NOL4: variants seen among roughly 807,000 people sequenced by gnomAD.
NOL4 encodes cancer/testis antigen 125.
In NOL4, 17 loss-of-function variants were observed where a neutral mutation model predicts 75.9. The observed-to-expected ratio is 0.22, with a 90% confidence interval of 0.15 to 0.34. The LOEUF (loss-of-function observed/expected upper bound fraction) is 0.34, where lower values mean the gene tolerates loss of function less well. NOL4 is among the 10% of genes least tolerant of loss of function. NOL4 has a pLI of 1.00. For missense variants in NOL4, 614 were observed against 793.5 expected, an observed-to-expected ratio of 0.77 and a Z score of 2.72; for synonymous variants, 292 against 289.9, an observed-to-expected ratio of 1.01 and a Z score of -0.07.
intron 5 of NOL4, among the ~76,000 whole-genome samples, chr18:34,083,087 G>GCTCTCT (rs5823936): frequency 6.6e-6 from 1 of 151,434 alleles, no homozygotes; most frequent in South Asian, 2.1e-4. Context: ...GCTAAATTTT[G>GCTCTCT]CTCTCTCTCT....
At position 33,931,575 on chromosome 18, in the gene NOL4, TG is replaced by T. The variant is rs200654955; in HGVS notation, c.1542+11489del. Among the ~76,000 whole-genome samples the T allele has an allele frequency of 9.2e-3, 1,386 of 151,078 alleles. 29 individuals are homozygous for T. The highest frequency in any genetic ancestry group is 0.03 in the African/African-American group (1,253 of 41,164). On this transcript the variant is annotated intron_variant, in intron 9 of 10. Coordinates refer to ENST00000261592, the MANE Select transcript of NOL4 (RefSeq NM_003787.5). Reference sequence around the variant, plus strand: ...GCAAGATCCTGTCTCTAAATTTTTTTGTTTTTTAATTAGCCAGGTGTGATGA... The same window carrying T: ...GCAAGATCCTGTCTCTAAATTTTTTTTTTTTTAATTAGCCAGGTGTGATGA...
At chr18:33,956,556 G>C (rs947257773) in intron 8 of NOL4, among the ~76,000 whole-genome samples, 18 of 152,100 alleles carry the variant, frequency 1.2e-4, no homozygotes, top group African/African-American at 4.3e-4. Flanking sequence ...TTTCGAAACT[G>C]CTCACATACA....
At chr18:34,136,476 T>G (rs1040137415) in intron 1 of NOL4, among the ~76,000 whole-genome samples, 2 of 152,192 alleles carry the variant, frequency 1.3e-5, no homozygotes, top group Non-Finnish European at 2.9e-5. Flanking sequence ...ATTAAAAAAC[T>G]GTTAGAACTA....
intron 1 of NOL4, among the ~76,000 whole-genome samples, chr18:34,192,725 C>A (rs982109066): frequency 2.0e-5 from 3 of 152,190 alleles, no homozygotes; most frequent in African/African-American, 7.2e-5. Context: ...CCAAAGCTCA[C>A]ATGTTAGAAA....
At chr18:34,189,401 C>T (rs540666663) in intron 1 of NOL4, among the ~76,000 whole-genome samples, 9 of 152,230 alleles carry the variant, frequency 5.9e-5, no homozygotes, top group African/African-American at 1.4e-4. Flanking sequence ...TGAACACTGC[C>T]GTGCTGGGGA....
At chr18:33,968,825 T>C (rs1044942379) in intron 6 of NOL4, among the ~76,000 whole-genome samples, 1 of 152,094 alleles carries the variant, frequency 6.6e-6, no homozygotes, top group South Asian at 2.1e-4. Context: ...AATGCAAAAA[T>C]AAATGACATT....
At chr18:33,928,963 T>TTGTAACC in intron 9 of NOL4, among the ~76,000 whole-genome samples, 1 of 152,202 alleles carries the variant, frequency 6.6e-6, no homozygotes, top group East Asian at 1.9e-4. Flanking sequence ...CTTTTTGGCA[T>TTGTAACC]ATGCTCAGAT....
At chr18:33,886,861 A>C (rs963201645) in intron 9 of NOL4, among the ~76,000 whole-genome samples, 7 of 143,530 alleles carry the variant, frequency 4.9e-5, no homozygotes, top group Admixed American at 4.3e-4. Context: ...ATCTACATAT[A>C]TCTATATACA....
At chr18:34,173,621 C>T (rs2033262551) in intron 1 of NOL4, among the ~76,000 whole-genome samples, 1 of 152,128 alleles carries the variant, frequency 6.6e-6, no homozygotes, top group Admixed American at 6.6e-5. Context: ...CAATTTCCCT[C>T]TGTATCCACC....
At chr18:34,222,397 C>T (rs1254705555) in intron 1 of NOL4, 4 of 1,139,760 alleles carry the variant, frequency 3.5e-6, no homozygotes, top group East Asian at 5.7e-5. Context: ...TCAACAGTCG[C>T]GGCAACGATC....
chr18:33,922,979 T>C (rs961353081), intron 9 of NOL4, among the ~76,000 whole-genome samples: 2 of 152,182 alleles, frequency 1.3e-5, no homozygotes, highest in Non-Finnish European at 2.9e-5. Flanking sequence ...AGAGTCAACA[T>C]ATTCATTTTC....
At chr18:34,022,044 C>T (rs901134511) in intron 5 of NOL4, among the ~76,000 whole-genome samples, 6 of 151,400 alleles carry the variant, frequency 4.0e-5, no homozygotes, top group Admixed American at 6.6e-5. Context: ...GCAGAGGTTG[C>T]AGTGAGCTGA....
intron 1 of NOL4, among the ~76,000 whole-genome samples, chr18:34,192,638 T>C (rs1409178420): frequency 6.6e-6 from 1 of 152,210 alleles, no homozygotes; most frequent in Non-Finnish European, 1.5e-5. Flanking sequence ...TAAATGGTAT[T>C]GGGACAACTT....
intron 2 of NOL4, among the ~76,000 whole-genome samples, chr18:34,118,029 T>A (rs1481811154): frequency 6.6e-6 from 1 of 152,222 alleles, no homozygotes; most frequent in Non-Finnish European, 1.5e-5. Flanking sequence ...ATCAGTAGTT[T>A]GAAAATGTAA....
At chr18:34,126,318 G>C (rs976546901) in intron 2 of NOL4, among the ~76,000 whole-genome samples, 1 of 152,154 alleles carries the variant, frequency 6.6e-6, no homozygotes, top group Admixed American at 6.5e-5. Flanking sequence ...ATTTGAAACT[G>C]CGTTAGTCTG....
intron 6 of NOL4, among the ~76,000 whole-genome samples, chr18:33,960,119 A>G (rs1600062160): frequency 1.3e-5 from 2 of 152,272 alleles, no homozygotes; most frequent in South Asian, 4.1e-4. Context: ...TAGAACAGTA[A>G]GCTGCAATTT....
intron 5 of NOL4, among the ~76,000 whole-genome samples, chr18:34,026,515 C>T (rs1045995254): frequency 8.1e-4 from 124 of 152,204 alleles, no homozygotes; most frequent in African/African-American, 2.9e-3. Context: ...CCCTGCTTGG[C>T]TTTTTAGCTC....
At chr18:33,926,902 A>AT (rs1016097754) in intron 9 of NOL4, among the ~76,000 whole-genome samples, 3 of 152,054 alleles carry the variant, frequency 2.0e-5, no homozygotes, top group African/African-American at 7.2e-5. Flanking sequence ...CTGGCCAAGA[A>AT]TTTTTTCCTC....
At chr18:34,021,547 T>G (rs1330053360) in intron 5 of NOL4, among the ~76,000 whole-genome samples, 1 of 152,118 alleles carries the variant, frequency 6.6e-6, no homozygotes. Flanking sequence ...CAGTTTTAAT[T>G]TATTGTGGGA....
Sources: allele counts gnomAD v4.1 joint callset (sites outside exome capture counted in the v4.1 genomes callset), GRCh38; gene constraint gnomAD v4.1.1; transcripts MANE v1.5; gene names NCBI Gene and HGNC (gene_info 2026-07-23, HGNC 2026-07-21).